ARMC2: variants seen among roughly 807,000 people sequenced by gnomAD.
ARMC2 encodes armadillo repeat-containing protein 2.
A neutral mutation model predicts 90.3 loss-of-function variants in ARMC2; 67 were observed. The observed-to-expected ratio is 0.74, with a 90% CI of 0.61 to 0.91. ARMC2 has a LOEUF of 0.91. Among genes scored for constraint, ARMC2 ranks in the 40% least tolerant of loss-of-function variants. ARMC2 has a pLI of 0.00. For synonymous variants in ARMC2, 393 were observed against 393.0 expected (o/e 1.00, Z 0.00); for missense variants, 920 against 1,030.9 (o/e 0.89, Z 1.47).
chr6:108,907,476 T>TAAA, intron 8 of ARMC2: 1 of 462,630 alleles, frequency 2.2e-6, no homozygotes, highest in Non-Finnish European at 3.5e-6. Context: ...TTTTTTTTTT[T>TAAA]TACCAGTCAT....
intron 13 of ARMC2, among the ~76,000 whole-genome samples, chr6:108,956,400 G>C (rs1282508265): frequency 6.6e-6 from 1 of 152,044 alleles, no homozygotes; most frequent in Non-Finnish European, 1.5e-5. Context: ...TTTGGGGTAG[G>C]AGAAAGAGGC....
the ARMC2 span, among the ~76,000 whole-genome samples, chr6:108,981,142 C>T: frequency 8.7e-4 from 132 of 152,218 alleles, no homozygotes; most frequent in African/African-American, 3.1e-3. Flanking sequence ...GCTATTTATT[C>T]TACTTTTAGT....
At chr6:108,861,892 G>C (rs947677445) in intron 3 of ARMC2, among the ~76,000 whole-genome samples, 1 of 152,172 alleles carries the variant, frequency 6.6e-6, no homozygotes, top group South Asian at 2.1e-4. Flanking sequence ...CCCTTAAAAA[G>C]AATCTCATTT....
intron 13 of ARMC2, among the ~76,000 whole-genome samples, chr6:108,954,626 G>GA (rs900180320): frequency 3.9e-5 from 6 of 151,948 alleles, no homozygotes; most frequent in African/African-American, 1.5e-4. Context: ...TCTGTCTCCA[G>GA]AAAAAAAATT....
chr6:108,936,289 C>T (rs1202213077), intron 11 of ARMC2, among the ~76,000 whole-genome samples: 1 of 152,100 alleles, frequency 6.6e-6, no homozygotes, highest in Non-Finnish European at 1.5e-5. Flanking sequence ...CAGAGTCTCG[C>T]CCCATTGCCC....
At chr6:108,883,945 G>C (rs1777833444) in intron 5 of ARMC2, among the ~76,000 whole-genome samples, 1 of 151,562 alleles carries the variant, frequency 6.6e-6, no homozygotes, top group Admixed American at 6.6e-5. Context: ...ATTTCTGGGT[G>C]GTGGGATCCT....
intron 3 of ARMC2, among the ~76,000 whole-genome samples, chr6:108,861,225 G>C (rs568148366): frequency 6.6e-6 from 1 of 152,326 alleles, no homozygotes; most frequent in East Asian, 1.9e-4. Context: ...AGATTGGTAT[G>C]TTAGTCAAGC....
At position 108,856,310 on chromosome 6, in the gene ARMC2, G is replaced by GT. The variant is rs939154403; in HGVS notation, c.218+1835dup. 303 of 147,808 alleles carry GT rather than the reference G, an allele frequency of 2.0e-3. 1 individual carries two copies. The highest frequency in any genetic ancestry group is 6.1e-3 in the African/African-American group (246 of 40,432). 9.2% of individuals were successfully genotyped at this position (147,808 alleles called of 1,614,324 possible). On this transcript the variant is annotated intron_variant, in intron 2 of 17. Transcript: ENST00000392644. Reference sequence around the variant, plus strand: ...CTAGATGTCCAGTTGTCCCAGCACTGTTTTTTTTTTCTAGGAATATGAGCC... The same window carrying GT: ...CTAGATGTCCAGTTGTCCCAGCACTGTTTTTTTTTTTCTAGGAATATGAGCC...
chr6:108,973,262 C>T (rs1583245481), intron 17 of ARMC2, 95 bp from the exon 18 acceptor site: 2 of 1,080,116 alleles, frequency 1.9e-6, no homozygotes, highest in Admixed American at 2.8e-5. Context: ...TAAAGGACGA[C>T]CCAGGGTGAG....
At chr6:108,850,470 T>C (rs2128411350) in intron 1 of ARMC2, among the ~76,000 whole-genome samples, 1 of 152,280 alleles carries the variant, frequency 6.6e-6, no homozygotes, top group South Asian at 2.1e-4. Flanking sequence ...TCCTCTAACC[T>C]CTGCTTCACC....
At chr6:109,047,106 C>CA in the ARMC2 span, among the ~76,000 whole-genome samples, 1 of 11,938 alleles carries the variant, frequency 8.4e-5, no homozygotes, top group Non-Finnish European at 1.6e-4. Flanking sequence ...TCTGCCCGGC[C>CA]GCCCCTACTG....
At chr6:108,994,698 C>CTTTTTTTTTTTTTTTTTT in the ARMC2 span, 1 of 274,832 alleles carries the variant, frequency 3.6e-6, no homozygotes, top group African/African-American at 2.9e-5. Context: ...GAATTTATAT[C>CTTTTTTTTTTTTTTTTTT]TTTTTTTTTT....
intron 10 of ARMC2, among the ~76,000 whole-genome samples, chr6:108,927,195 G>A (rs1399584942): frequency 6.6e-6 from 1 of 152,110 alleles, no homozygotes. Context: ...CACAGATGAG[G>A]AAATGGGGAA....
chr6:108,951,438 A>G (rs1777171303), intron 12 of ARMC2, among the ~76,000 whole-genome samples: 1 of 152,290 alleles, frequency 6.6e-6, no homozygotes, highest in Non-Finnish European at 1.5e-5. Context: ...GTGAGTTGAA[A>G]TGTCTCCGAA....
In ARMC2 at chr6:108,854,353, T is replaced by G; in HGVS notation, c.86T>G (p.Ile29Ser). 1 of 1,612,728 alleles carries G rather than the reference T, an allele frequency of 6.2e-7. No homozygotes were observed. Among genetic ancestry groups the G allele is most frequent in the East Asian group, 2.2e-5 (1 of 44,742 alleles). The change falls in exon 2 of 18, where the codon ATC becomes AGC. Residue 29 changes from isoleucine (I) to serine (S), a missense_variant. By Grantham distance (142) the Ile-to-Ser change is moderately radical. Coordinates refer to ENST00000392644, the MANE Select transcript of ARMC2 (RefSeq NM_032131.6). ...SVSKQKTSAE[I>S]ISEARNALRT... ...TCCAAGCAGAAGACCAGTGCAGAAA[T>G]CATAAGTGAAGCAAGAAATGCATTA...
intron 4 of ARMC2, among the ~76,000 whole-genome samples, chr6:108,869,968 G>A (rs1391901268): frequency 6.6e-6 from 1 of 152,196 alleles, no homozygotes; most frequent in Non-Finnish European, 1.5e-5. Context: ...ACACACGATA[G>A]GGGTAAGTAT....
the ARMC2 span, among the ~76,000 whole-genome samples, chr6:108,995,831 A>T: frequency 6.7e-6 from 1 of 150,038 alleles, no homozygotes; most frequent in African/African-American, 2.4e-5. Flanking sequence ...GTATACATAC[A>T]AAATTAATGT....
chr6:109,012,680 A>T, the ARMC2 span, among the ~76,000 whole-genome samples: 1 of 152,146 alleles, frequency 6.6e-6, no homozygotes, highest in African/African-American at 2.4e-5. Flanking sequence ...GGGAGAATAG[A>T]CACAGAGTTC....
chr6:108,864,440 G>A (rs556934302), intron 3 of ARMC2, among the ~76,000 whole-genome samples: 2 of 152,086 alleles, frequency 1.3e-5, no homozygotes, highest in African/African-American at 4.8e-5. Context: ...GTAGAGACGG[G>A]GTTTCACCAT....
Sources: gnomAD v4.1 joint callset for allele counts (sites outside exome capture counted in the v4.1 genomes callset) on GRCh38, gnomAD v4.1.1 for gene constraint, MANE v1.5 for transcripts, NCBI Gene and HGNC (gene_info 2026-07-23, HGNC 2026-07-21) for gene names.